Variants in SLC20A2 observed in about 807,000 individuals in gnomAD.
SLC20A2 encodes sodium-dependent phosphate transporter 2.
In SLC20A2, 30 loss-of-function variants were observed where a neutral mutation model predicts 61.0. The ratio of observed to expected loss-of-function variants is 0.49; its 90% CI spans 0.37 to 0.67. SLC20A2 has a LOEUF of 0.67. Among genes scored for constraint, SLC20A2 ranks in the 30% least tolerant of loss-of-function variants. The probability of loss-of-function intolerance (pLI) is 0.00; values close to 1 mark genes in which losing one functional copy is unlikely to be tolerated. For missense variants in SLC20A2, 626 were observed against 866.4 expected (o/e 0.72, Z 3.48); for synonymous variants, 351 against 353.3 (o/e 0.99, Z 0.07).
intron 5 of SLC20A2, among the ~76,000 whole-genome samples, chr8:42,445,789 C>T (rs1377203677): frequency 6.6e-6 from 1 of 152,000 alleles, no homozygotes; most frequent in Non-Finnish European, 1.5e-5. Flanking sequence ...ATCCTGATGC[C>T]CACCTCAGCC....
At chr8:42,507,740 T>G (rs563688933) in intron 1 of SLC20A2, among the ~76,000 whole-genome samples, 2 of 152,230 alleles carry the variant, frequency 1.3e-5, no homozygotes, top group East Asian at 3.8e-4. Context: ...CATAATGTGA[T>G]GAGTCATGAC....
chr8:42,506,255 T>C (rs1331173000), intron 1 of SLC20A2, among the ~76,000 whole-genome samples: 1 of 152,154 alleles, frequency 6.6e-6, no homozygotes, highest in Non-Finnish European at 1.5e-5. Flanking sequence ...TAGGAATTCT[T>C]TGGATTGTAG....
chr8:42,473,545 C>A (rs1330892912), intron 1 of SLC20A2, among the ~76,000 whole-genome samples: 1 of 152,150 alleles, frequency 6.6e-6, no homozygotes, highest in African/African-American at 2.4e-5. Context: ...TCAAATATCA[C>A]CGTTAAGAGA....
At chr8:42,419,490 A>G (rs1477032353) in intron 10 of SLC20A2, 1 of 153,070 alleles carries the variant, frequency 6.5e-6, no homozygotes, top group East Asian at 1.9e-4. Flanking sequence ...TGGAGGTTGC[A>G]GTGAGCCAAG....
chr8:42,454,854 A>ACC (rs1480588684), intron 5 of SLC20A2, among the ~76,000 whole-genome samples: 1 of 152,002 alleles, frequency 6.6e-6, no homozygotes, highest in East Asian at 1.9e-4. Flanking sequence ...ACAGGTGTTA[A>ACC]CCACCATGAC....
rs1302278408 is a variant in SLC20A2 at position 42,421,259 on chromosome 8, G to A, written c.1795-3292C>T. ...TGCCTAGACTGGTCTTGAACTCCTG[G>A]GTTCAGGCTGTCCTCGTACCTTCAG... On this transcript the variant is annotated intron_variant, in intron 10 of 10. Coordinates refer to ENST00000520262, the MANE Select transcript of SLC20A2 (RefSeq NM_001257180.2). Among the ~76,000 whole-genome samples, 4 of 152,174 alleles carry A rather than the reference G, an allele frequency of 2.6e-5. No homozygotes were observed. The East Asian group carries it at 7.7e-4, about 29-fold the overall frequency.
At chr8:42,444,521 T>G in intron 6 of SLC20A2, 125 bp downstream of exon 6, 1 of 707,826 alleles carries the variant, frequency 1.4e-6, no homozygotes, top group East Asian at 2.6e-5. Flanking sequence ...AGACAGAGGA[T>G]GGGGTATGTT....
chr8:42,529,303 A>C (rs2131428061), intron 1 of SLC20A2, among the ~76,000 whole-genome samples: 1 of 152,296 alleles, frequency 6.6e-6, no homozygotes, highest in South Asian at 2.1e-4. Context: ...ATAAATAAGA[A>C]ATTTTAAAAT....
rs533934289 is a variant in SLC20A2, at chr8:42,416,791, T to C, written c.*1012A>G. The C allele has an allele frequency of 6.5e-5, 10 of 152,800 alleles. No homozygotes were observed. The highest frequency in any genetic ancestry group is 3.8e-4 in the East Asian group (2 of 5,196). 9.5% of individuals were successfully genotyped at this position (152,800 alleles called of 1,614,324 possible). ...AGAAAAAGCCTCCTTTGTGCTGACA[T>C]TGGAGACAAGGATCCGTTCTTCAGG... is the stretch of plus-strand genomic sequence containing the variant. On this transcript the variant is annotated 3_prime_UTR_variant, in exon 11 of 11. Coordinates refer to ENST00000520262, the MANE Select transcript of SLC20A2 (RefSeq NM_001257180.2).
At chr8:42,436,565 G>A (rs1330568233) in intron 8 of SLC20A2, among the ~76,000 whole-genome samples, 1 of 152,118 alleles carries the variant, frequency 6.6e-6, no homozygotes, top group Non-Finnish European at 1.5e-5. Flanking sequence ...CTCTCGAGGC[G>A]AGGCCTTCCT....
At position 42,459,220 on chromosome 8, in the gene SLC20A2, AGT is replaced by A. The variant is rs140179074; in HGVS notation, c.613+674_613+675del. ...GATTGCACTCCATCCTGGGTGAGAGAGTGAGACTCTATCTCAAAAAAAAAAAA... is the reference window on the plus strand; with the variant it reads ...GATTGCACTCCATCCTGGGTGAGAGAGAGACTCTATCTCAAAAAAAAAAAA... On this transcript the variant is annotated intron_variant, in intron 5 of 10. Transcript: ENST00000520262. Among the ~76,000 whole-genome samples, 698 of 129,864 alleles carry A rather than the reference AGT, an allele frequency of 5.4e-3. 5 individuals are homozygous for A. Among genetic ancestry groups the A allele is most frequent in the African/African-American group, 0.019 (654 of 33,776 alleles). 85.2% of individuals were successfully genotyped at this position (129,864 alleles called of 152,430 possible). A position where few individuals can be genotyped will look rare whatever the true frequency, so the allele number is the denominator to read the frequency against.
At chr8:42,455,474 C>A (rs1338775833) in intron 5 of SLC20A2, among the ~76,000 whole-genome samples, 1 of 151,524 alleles carries the variant, frequency 6.6e-6, no homozygotes, top group African/African-American at 2.4e-5. Context: ...TCCTGGCTAA[C>A]ACGGTGAAAC....
intron 10 of SLC20A2, chr8:42,419,554 AAAATAAAATAAAAAAT>A (rs1432539629): frequency 4.5e-6 from 1 of 223,330 alleles, no homozygotes; most frequent in Non-Finnish European, 7.5e-6. Context: ...GTCTCAAAAA[AAAATAAAATAAAAAAT>A]AAATAAAATA....
intron 5 of SLC20A2, among the ~76,000 whole-genome samples, chr8:42,457,045 T>C (rs1399607430): frequency 6.6e-6 from 1 of 151,964 alleles, no homozygotes; most frequent in Non-Finnish European, 1.5e-5. Context: ...TGCCTCAGCC[T>C]CCCGGGTAGC....
chr8:42,523,487 G>A (rs1175849215), intron 1 of SLC20A2, among the ~76,000 whole-genome samples: 1 of 152,152 alleles, frequency 6.6e-6, no homozygotes. Flanking sequence ...TTGAGACAGG[G>A]CTAGTATCTC....
At chr8:42,494,090 C>T (rs2131324339) in intron 1 of SLC20A2, among the ~76,000 whole-genome samples, 1 of 152,256 alleles carries the variant, frequency 6.6e-6, no homozygotes, top group East Asian at 1.9e-4. Flanking sequence ...TTGCTGTGAG[C>T]CCTGATGGCA....
intron 1 of SLC20A2, chr8:42,480,311 C>T (rs1033144085): frequency 1.3e-5 from 2 of 152,090 alleles, no homozygotes; most frequent in African/African-American, 2.4e-5. Flanking sequence ...ATTTTTTTGA[C>T]GTTATCCAAA....
At chr8:42,498,239 C>A (rs1420933119) in intron 1 of SLC20A2, among the ~76,000 whole-genome samples, 1 of 152,168 alleles carries the variant, frequency 6.6e-6, no homozygotes, top group Non-Finnish European at 1.5e-5. Flanking sequence ...AGGATTGCAA[C>A]AGAGGACTGA....
intron 2 of SLC20A2, among the ~76,000 whole-genome samples, chr8:42,467,094 G>A (rs1250241035): frequency 6.6e-6 from 1 of 152,040 alleles, no homozygotes; most frequent in Non-Finnish European, 1.5e-5. Flanking sequence ...AGGCTCACTG[G>A]ATGCAGTGAG....
Sources: allele counts gnomAD v4.1 joint callset (sites outside exome capture counted in the v4.1 genomes callset), GRCh38; gene constraint gnomAD v4.1.1; transcripts MANE v1.5; gene names NCBI Gene and HGNC (gene_info 2026-07-23, HGNC 2026-07-21).